C4orf51: variants seen among roughly 807,000 people sequenced by gnomAD.
C4orf51 encodes uncharacterized protein C4orf51.
In C4orf51, 25 loss-of-function variants were observed where a neutral mutation model predicts 25.2. The ratio of observed to expected loss-of-function variants is 0.99; its 90% CI spans 0.72 to 1.39. The LOEUF is 1.39. Among genes scored for constraint, C4orf51 ranks in the 40% most tolerant of loss-of-function variants. The pLI is 0.00. For missense variants in C4orf51, 252 were observed against 239.6 expected, an observed-to-expected ratio of 1.05 and a Z score of -0.34; for synonymous variants, 100 against 84.5, an observed-to-expected ratio of 1.18 and a Z score of -1.01.
chr4:145,706,803 G>A (rs1042761774), intron 2 of C4orf51, among the ~76,000 whole-genome samples: 40 of 134,764 alleles, frequency 3.0e-4, no homozygotes, highest in Non-Finnish European at 1.5e-4. Flanking sequence ...CACCATGCCC[G>A]GCTAATTTTT....
At position 145,761,132 on chromosome 4, in the gene C4orf51, G is replaced by A. The variant is rs1185982223; in HGVS notation, n.167-9856G>A. Reference sequence around the variant, plus strand: ...CCGACCACCAGGAGCGGGGCCCCCGGGCCGGCCGGTTCCTTGGGGGCTGGA... The same window carrying A: ...CCGACCACCAGGAGCGGGGCCCCCGAGCCGGCCGGTTCCTTGGGGGCTGGA... On this transcript the variant is annotated intron_variant and non_coding_transcript_variant, in intron 1 of 1. Coordinates refer to the C4orf51 transcript ENST00000510096. This position sits in a 1 kb window ranked among gnomAD's most constrained non-coding sequence, Gnocchi z 6.8. 1 of 1,289,698 alleles carries A rather than the reference G, an allele frequency of 7.8e-7. No homozygotes were observed. The highest frequency in any genetic ancestry group is 2.3e-5 in the Admixed American group (1 of 43,574). 79.9% of individuals were successfully genotyped at this position (1,289,698 alleles called of 1,614,324 possible).
At chr4:145,748,683 A>C (rs1465225975) in intron 1 of C4orf51, among the ~76,000 whole-genome samples, 2 of 152,154 alleles carry the variant, frequency 1.3e-5, no homozygotes, top group Non-Finnish European at 2.9e-5. Context: ...GTATTTGTAT[A>C]GTTTCCAAAA....
intron 1 of C4orf51, among the ~76,000 whole-genome samples, chr4:145,746,084 G>A (rs1368201280): frequency 6.6e-6 from 1 of 151,882 alleles, no homozygotes; most frequent in African/African-American, 2.4e-5. Flanking sequence ...TTTTTTCTAT[G>A]GAGTTGTTTG....
intron 2 of C4orf51, among the ~76,000 whole-genome samples, chr4:145,723,520 G>A (rs777061849): frequency 1.3e-5 from 2 of 151,746 alleles, no homozygotes; most frequent in Non-Finnish European, 2.9e-5. Context: ...CCAAACTTGA[G>A]CTTCTCTGAT....
chr4:145,752,772 G>T (rs1350651566), intron 1 of C4orf51, among the ~76,000 whole-genome samples: 1 of 152,178 alleles, frequency 6.6e-6, no homozygotes, highest in African/African-American at 2.4e-5. Context: ...ATTTCTGAGC[G>T]CTTTAGCTCA....
chr4:145,694,463 C>G (rs1292619732), intron 1 of C4orf51, among the ~76,000 whole-genome samples: 1 of 103,820 alleles, frequency 9.6e-6, no homozygotes, highest in Non-Finnish European at 2.0e-5. Flanking sequence ...TGAGGAGCCC[C>G]TCTGCCCGGC....
chr4:145,737,262 CT>C (rs923835576), downstream of C4orf51, among the ~76,000 whole-genome samples: 16 of 152,106 alleles, frequency 1.1e-4, no homozygotes, highest in African/African-American at 3.9e-4. Context: ...TAATATTTGT[CT>C]TAACATAGCC....
intron 1 of C4orf51, chr4:145,764,608 A>G (rs1483709992): frequency 4.6e-6 from 1 of 217,888 alleles, no homozygotes; most frequent in Non-Finnish European, 9.2e-6. Flanking sequence ...CCATCGGAAA[A>G]ACAGAGAAGG....
intron 1 of C4orf51, among the ~76,000 whole-genome samples, chr4:145,696,278 A>G (rs1361057552): frequency 6.6e-6 from 1 of 152,120 alleles, no homozygotes; most frequent in Non-Finnish European, 1.5e-5. Flanking sequence ...GAATGGAACA[A>G]CAGACACTGG....
chr4:145,695,356 G>C (rs6857649), intron 1 of C4orf51, among the ~76,000 whole-genome samples: 85,723 of 151,552 alleles, frequency 0.57, 24,457 homozygotes, highest in Admixed American at 0.65. Flanking sequence ...AGCTTTTTTT[G>C]ATATGCTTTT....
At chr4:145,736,426 T>C (rs1298632863), downstream of C4orf51, among the ~76,000 whole-genome samples, 1 of 152,042 alleles carries the variant, frequency 6.6e-6, no homozygotes, top group Non-Finnish European at 1.5e-5. Flanking sequence ...CAGGACCTGA[T>C]AGGGACTCTG....
downstream of C4orf51, among the ~76,000 whole-genome samples, chr4:145,772,077 C>A (rs1373518686): frequency 6.6e-6 from 1 of 152,206 alleles, no homozygotes; most frequent in Non-Finnish European, 1.5e-5. Flanking sequence ...TGCCAAGTAA[C>A]TTCCACATAG....
the C4orf51 span, among the ~76,000 whole-genome samples, chr4:145,781,000 T>C: frequency 4.1e-4 from 62 of 152,022 alleles, no homozygotes; most frequent in African/African-American, 1.5e-3. Context: ...ATCGAGACCA[T>C]CCTGGCTAAC....
At chr4:145,693,263 G>C (rs1036868680) in intron 1 of C4orf51, among the ~76,000 whole-genome samples, 1 of 150,822 alleles carries the variant, frequency 6.6e-6, no homozygotes, top group Non-Finnish European at 1.5e-5. Flanking sequence ...TCAAGCATCT[G>C]TTTAACAAAG....
rs547205201 is a variant in C4orf51 at position 145,765,979 on chromosome 4, A to C, written n.167-5009A>C. Among the ~76,000 whole-genome samples, 44 of 152,298 alleles carry C rather than the reference A, an allele frequency of 2.9e-4. No homozygotes were observed. Among genetic ancestry groups the C allele is most frequent in the Admixed American group, 5.9e-4 (9 of 15,306 alleles). On this transcript the variant is annotated intron_variant and non_coding_transcript_variant, in intron 1 of 1. Coordinates refer to the C4orf51 transcript ENST00000510096. This position sits in a 1 kb window ranked among gnomAD's most constrained non-coding sequence, Gnocchi z 4.7. ...AAGTGTTTATTAAGGTCTTACATGA[A>C]TTAAAATAAAACGACAGTAATAGCT...
chr4:145,752,744 C>G (rs1733737998), intron 1 of C4orf51, among the ~76,000 whole-genome samples: 1 of 152,142 alleles, frequency 6.6e-6, no homozygotes, highest in Non-Finnish European at 1.5e-5. Flanking sequence ...CCTAAGCTGC[C>G]TTTTGAGTTT....
At chr4:145,753,114 C>T (rs1733765862) in intron 1 of C4orf51, among the ~76,000 whole-genome samples, 1 of 150,452 alleles carries the variant, frequency 6.6e-6, no homozygotes, top group African/African-American at 2.5e-5. Flanking sequence ...TGATTGCTCA[C>T]CTGATTTTTG....
At chr4:145,706,191 G>A (rs1048412779) in intron 2 of C4orf51, among the ~76,000 whole-genome samples, 1 of 152,164 alleles carries the variant, frequency 6.6e-6, no homozygotes, top group African/African-American at 2.4e-5. Flanking sequence ...AATCATGATA[G>A]AACTGACTTG....
chr4:145,726,695 C>T (rs959671107), intron 2 of C4orf51, among the ~76,000 whole-genome samples: 5 of 152,174 alleles, frequency 3.3e-5, no homozygotes, highest in East Asian at 1.9e-4. Context: ...CCATGAGCCA[C>T]GGTGTCTGGC....
Sources: allele counts gnomAD v4.1 joint callset (sites outside exome capture counted in the v4.1 genomes callset), GRCh38; gene constraint gnomAD v4.1.1; non-coding constraint Gnocchi (gnomAD v3.1); transcripts MANE v1.5; gene names NCBI Gene and HGNC (gene_info 2026-07-23, HGNC 2026-07-21).